The following LRRC37A variants were observed in gnomAD, a reference collection of about 807,000 sequenced individuals.
LRRC37A encodes leucine-rich repeat-containing protein 37A.
In LRRC37A, 3 loss-of-function variants were observed where a neutral mutation model predicts 35.4. The observed-to-expected ratio is 0.08, with a 90% confidence interval of 0.04 to 0.22. The LOEUF is 0.22. LRRC37A is among the 10% of genes least tolerant of loss of function. The pLI is 1.00. For missense variants in LRRC37A, 67 were observed against 565.3 expected (o/e 0.12, Z 8.94); for synonymous variants, 23 against 215.0 (o/e 0.11, Z 7.81).
At chr17:46,272,501 G>A in the LRRC37A span, among the ~76,000 whole-genome samples, 21,712 of 151,738 alleles carry the variant, frequency 0.14, 1,894 homozygotes, top group Non-Finnish European at 0.22. Context: ...TGCAACCTCC[G>A]CCTCCCAGGT....
chr17:46,263,839 A>G, the LRRC37A span, among the ~76,000 whole-genome samples: 1 of 141,826 alleles, frequency 7.1e-6, no homozygotes, highest in Non-Finnish European at 1.5e-5. Context: ...GGGCAACAAG[A>G]GTGAGACTCT....
chr17:46,265,469 T>TCCACCTCC, the LRRC37A span, among the ~76,000 whole-genome samples: 8 of 150,452 alleles, frequency 5.3e-5, no homozygotes, highest in Middle Eastern at 3.4e-3. Context: ...CTCCTCTTCC[T>TCCACCTCC]TCTTCTTCTT....
At chr17:46,260,035 G>C in the LRRC37A span, 1 of 1,599,106 alleles carries the variant, frequency 6.3e-7, no homozygotes, top group Non-Finnish European at 8.5e-7. Context: ...GGCCATGGCA[G>C]CGGTCCAGTG....
the LRRC37A span, among the ~76,000 whole-genome samples, chr17:46,271,332 A>ATTTTT: frequency 1.8e-4 from 23 of 125,644 alleles, no homozygotes; most frequent in Middle Eastern, 8.6e-3. Context: ...TACCTAGCTA[A>ATTTTT]TTTTTTTTTT....
upstream of LRRC37A, among the ~76,000 whole-genome samples, chr17:46,288,897 G>T (rs1598082080): frequency 6.6e-6 from 1 of 151,992 alleles, no homozygotes; most frequent in African/African-American, 2.4e-5. Flanking sequence ...TAGAGACAGG[G>T]TTTCACCATG....
the LRRC37A span, chr17:46,267,661 C>A: frequency 7.6e-7 from 1 of 1,312,412 alleles, no homozygotes; most frequent in Non-Finnish European, 1.1e-6. Flanking sequence ...AGGATTTAGA[C>A]GACAGGTATT....
chr17:46,289,309 A>C (rs2050003338), upstream of LRRC37A, among the ~76,000 whole-genome samples: 1 of 152,086 alleles, frequency 6.6e-6, no homozygotes, highest in Non-Finnish European at 1.5e-5. Context: ...CAACCCCTTC[A>C]AATAGCTACA....
chr17:46,279,840 T>C, the LRRC37A span, among the ~76,000 whole-genome samples: 4 of 152,226 alleles, frequency 2.6e-5, no homozygotes, highest in African/African-American at 7.2e-5. Flanking sequence ...GCGTTTCTAA[T>C]TGCCTTTCAT....
At chr17:46,263,887 G>C in the LRRC37A span, among the ~76,000 whole-genome samples, 22 of 151,048 alleles carry the variant, frequency 1.5e-4, no homozygotes, top group African/African-American at 5.3e-4. Context: ...GAGAGAGACA[G>C]GGTTTCACCA....
chr17:46,256,865 A>C, the LRRC37A span, among the ~76,000 whole-genome samples: 1 of 152,156 alleles, frequency 6.6e-6, no homozygotes, highest in African/African-American at 2.4e-5. Context: ...AACCCTTCGA[A>C]AGGGGATTGG....
At chr17:46,291,442 G>C (rs906778324), upstream of LRRC37A, among the ~76,000 whole-genome samples, 2 of 152,082 alleles carry the variant, frequency 1.3e-5, no homozygotes, top group African/African-American at 4.8e-5. Flanking sequence ...AACACTAACA[G>C]TAAGAGTTTC....
the LRRC37A span, among the ~76,000 whole-genome samples, chr17:46,248,747 T>C: frequency 7.9e-5 from 12 of 152,012 alleles, no homozygotes; most frequent in Non-Finnish European, 1.8e-4. Context: ...TTGGAAGTCC[T>C]GACCTCAAGT....
chr17:46,284,778 A>G, the LRRC37A span, among the ~76,000 whole-genome samples: 33 of 152,270 alleles, frequency 2.2e-4, no homozygotes, highest in African/African-American at 3.1e-4. Flanking sequence ...TCAACCACAC[A>G]TTGAGACTAC....
At chr17:46,332,932 C>T (rs1439070010) in intron 10 of LRRC37A, among the ~76,000 whole-genome samples, 9 of 151,454 alleles carry the variant, frequency 5.9e-5, no homozygotes, top group Non-Finnish European at 1.2e-4. Flanking sequence ...ATTTCTCCCA[C>T]CCAAAACTAT....
the LRRC37A span, among the ~76,000 whole-genome samples, chr17:46,277,579 C>G: frequency 3.3e-5 from 5 of 152,280 alleles, no homozygotes; most frequent in South Asian, 1.0e-3. Context: ...GAAATCCAGG[C>G]TCCCTATGAT....
At chr17:46,290,864 G>C (rs977803230), upstream of LRRC37A, among the ~76,000 whole-genome samples, 1 of 152,216 alleles carries the variant, frequency 6.6e-6, no homozygotes, top group African/African-American at 2.4e-5. Context: ...AAATTTCAAG[G>C]ATTTGCCTAA....
the LRRC37A span, among the ~76,000 whole-genome samples, chr17:46,284,181 G>T: frequency 6.6e-6 from 1 of 152,224 alleles, no homozygotes; most frequent in Non-Finnish European, 1.5e-5. Flanking sequence ...CAGGCTGGGG[G>T]ACGGTCAGGT....
chr17:46,257,401 C>A, the LRRC37A span, among the ~76,000 whole-genome samples: 1 of 146,344 alleles, frequency 6.8e-6, no homozygotes, highest in Non-Finnish European at 1.5e-5. Flanking sequence ...TGCAGTGAGC[C>A]AAGATCGTGC....
chr17:46,269,665 T>C, the LRRC37A span, among the ~76,000 whole-genome samples: 1 of 152,366 alleles, frequency 6.6e-6, no homozygotes, highest in South Asian at 2.1e-4. Context: ...TTTTCATGCC[T>C]CCCTGCTCCT....
Sources: allele counts gnomAD v4.1 joint callset (sites outside exome capture counted in the v4.1 genomes callset), GRCh38; gene constraint gnomAD v4.1.1; transcripts MANE v1.5; gene names NCBI Gene and HGNC (gene_info 2026-07-23, HGNC 2026-07-21).